Variants in TEX9 observed in about 807,000 individuals in gnomAD.
TEX9 encodes the protein testis-expressed protein 9.
A neutral mutation model predicts 59.6 loss-of-function variants in TEX9; 74 were observed. That is an observed-to-expected ratio of 1.24 (90% CI 1.03 to 1.51). The LOEUF (loss-of-function observed/expected upper bound fraction) is 1.51. Among genes scored for constraint, TEX9 ranks in the 40% most tolerant of loss-of-function variants. The pLI, the probability that TEX9 is intolerant of heterozygous loss-of-function variation, is 0.00. For missense variants in TEX9, 522 were observed against 447.8 expected (o/e 1.17, Z -1.49); for synonymous variants, 186 against 152.2 (o/e 1.22, Z -1.64).
intron 10 of TEX9, among the ~76,000 whole-genome samples, chr15:56,412,738 A>G (rs1350877785): frequency 6.6e-6 from 1 of 152,160 alleles, no homozygotes; most frequent in Non-Finnish European, 1.5e-5. Flanking sequence ...GTTGTTTAAA[A>G]AAAGTATCTT....
intron 9 of TEX9, among the ~76,000 whole-genome samples, chr15:56,411,616 G>A (rs2049350983): frequency 6.6e-6 from 1 of 152,164 alleles, no homozygotes; most frequent in Non-Finnish European, 1.5e-5. Context: ...TCCAGTTACT[G>A]CTGGTATTAC....
intron 1 of TEX9, among the ~76,000 whole-genome samples, chr15:56,315,095 T>G (rs2045721636): frequency 1.3e-5 from 2 of 151,370 alleles, no homozygotes; most frequent in African/African-American, 2.4e-5. Context: ...GGGTCTTAAC[T>G]CTTTATCCAA....
Position 56,259,027 on chromosome 15 carries a change from C to T in TEX9, c.-107+14749C>T, listed in dbSNP as rs1284021878. On this transcript the variant is annotated intron_variant, in intron 1 of 5. Transcript: ENST00000560827. Reference sequence around the variant, plus strand: ...TGCTGTTTCATCCTCTTAATGATGCCTTTCAATAAACATAACCTCAGAACT... The same window carrying T: ...TGCTGTTTCATCCTCTTAATGATGCTTTTCAATAAACATAACCTCAGAACT... Among the ~76,000 whole-genome samples, 8 of 151,674 alleles carry T rather than the reference C, an allele frequency of 5.3e-5. No homozygotes were observed. In the South Asian group the frequency reaches 1.0e-3, roughly 20 times the overall value.
chr15:56,454,792 C>T, the TEX9 span, among the ~76,000 whole-genome samples: 1 of 152,114 alleles, frequency 6.6e-6, no homozygotes, highest in Non-Finnish European at 1.5e-5. Flanking sequence ...TTTAAATTCT[C>T]ATCTGTATTT....
At position 56,383,927 on chromosome 15, in the gene TEX9, T is replaced by C. The variant is rs373016474; in HGVS notation, c.184-25T>C. ...GGTTTGGTTTTTTTTCTATATGATATATTACCTATCTTTACTCATTTAAGA... is the reference window on the plus strand; with the variant it reads ...GGTTTGGTTTTTTTTCTATATGATACATTACCTATCTTTACTCATTTAAGA... On this transcript the variant is annotated intron_variant, in intron 3 of 12. Transcript: ENST00000352903. 386 of 1,567,762 alleles carry C rather than the reference T, an allele frequency of 2.5e-4. 1 individual carries two copies. Among genetic ancestry groups the C allele is most frequent in the Middle Eastern group, 1.2e-3 (7 of 5,898 alleles).
intron 1 of TEX9, among the ~76,000 whole-genome samples, chr15:56,254,818 A>G (rs1373382081): frequency 6.6e-6 from 1 of 151,226 alleles, no homozygotes; most frequent in Non-Finnish European, 1.5e-5. Context: ...AAATATAACA[A>G]TTATCCTCAA....
intron 11 of TEX9, 51 bp downstream of exon 11, chr15:56,427,790 TA>T: frequency 4.4e-6 from 6 of 1,367,276 alleles, no homozygotes; most frequent in Non-Finnish European, 5.8e-6. Flanking sequence ...ACTTTCTTAC[TA>T]AAAAATTTAG....
intron 1 of TEX9, among the ~76,000 whole-genome samples, chr15:56,359,450 T>G (rs2046751162): frequency 6.6e-6 from 1 of 152,146 alleles, no homozygotes; most frequent in African/African-American, 2.4e-5. Flanking sequence ...ATAAGTGGAA[T>G]TATGCAATGT....
At chr15:56,319,184 C>T (rs2045847561) in intron 1 of TEX9, among the ~76,000 whole-genome samples, 1 of 151,930 alleles carries the variant, frequency 6.6e-6, no homozygotes, top group Non-Finnish European at 1.5e-5. Flanking sequence ...GGTCATAAGG[C>T]AGGACCAACC....
Position 56,431,346 on chromosome 15 carries a change from T to G in TEX9, c.*29+2873T>G, listed in dbSNP as rs1425148315. 3 of 1,606,866 alleles carry G rather than the reference T, an allele frequency of 1.9e-6. No individual in the cohort carries two copies. The African/African-American group carries it at 4.0e-5, about 22-fold the overall frequency. On this transcript the variant is annotated intron_variant, in intron 12 of 12. Coordinates refer to ENST00000352903, the Ensembl canonical transcript of TEX9. ...TTTTCACTATTACAGGTCATGAAGA[T>G]TACAACTTGAGATAAATCTCACTTA...
At chr15:56,322,983 T>G (rs1223510699) in intron 1 of TEX9, among the ~76,000 whole-genome samples, 1 of 151,980 alleles carries the variant, frequency 6.6e-6, no homozygotes. Flanking sequence ...CACAGAGTAC[T>G]TCCTAACAAA....
chr15:56,334,542 T>A (rs2046222027), intron 1 of TEX9, among the ~76,000 whole-genome samples: 1 of 152,070 alleles, frequency 6.6e-6, no homozygotes, highest in Non-Finnish European at 1.5e-5. Flanking sequence ...CTCAAAACTG[T>A]GAAACTACTG....
chr15:56,403,859 C>G (rs893034529), intron 9 of TEX9, among the ~76,000 whole-genome samples: 1 of 152,170 alleles, frequency 6.6e-6, no homozygotes, highest in South Asian at 2.1e-4. Context: ...TTTGACAAAC[C>G]TGACAAAAAC....
intron 1 of TEX9, among the ~76,000 whole-genome samples, chr15:56,331,605 A>G (rs60861096): frequency 0.059 from 8,972 of 152,236 alleles, 675 homozygotes; most frequent in East Asian, 0.37. Context: ...CTTGAAACAA[A>G]TAATAATGGA....
At chr15:56,376,073 G>A (rs2047436996) in intron 3 of TEX9, among the ~76,000 whole-genome samples, 1 of 133,566 alleles carries the variant, frequency 7.5e-6, no homozygotes. Flanking sequence ...GACTCTTGTG[G>A]GGTCGGGGGA....
chr15:56,334,279 C>G (rs530363401), intron 1 of TEX9, among the ~76,000 whole-genome samples: 1 of 152,074 alleles, frequency 6.6e-6, no homozygotes, highest in East Asian at 1.9e-4. Context: ...CTATTGTAAC[C>G]AAAACGGCAT....
At chr15:56,393,153 A>G (rs2048296660) in intron 7 of TEX9, among the ~76,000 whole-genome samples, 1 of 152,064 alleles carries the variant, frequency 6.6e-6, no homozygotes, top group Non-Finnish European at 1.5e-5. Context: ...AAATGGGAAA[A>G]GTCATGCTTT....
intron 1 of TEX9, among the ~76,000 whole-genome samples, chr15:56,256,855 G>T (rs2044156176): frequency 6.6e-6 from 1 of 152,040 alleles, no homozygotes; most frequent in African/African-American, 2.4e-5. Flanking sequence ...TGTCATGGGG[G>T]TTTGTTGTAC....
chr15:56,358,563 G>T (rs2046732001), intron 1 of TEX9, among the ~76,000 whole-genome samples: 1 of 152,068 alleles, frequency 6.6e-6, no homozygotes, highest in African/African-American at 2.4e-5. Flanking sequence ...CATTAATATG[G>T]TTAAATTGTT....
Sources: gnomAD v4.1 joint callset for allele counts (sites outside exome capture counted in the v4.1 genomes callset) on GRCh38, gnomAD v4.1.1 for gene constraint, MANE v1.5 for transcripts, NCBI Gene and HGNC (gene_info 2026-07-23, HGNC 2026-07-21) for gene names.